WWP2: variants seen among roughly 807,000 people sequenced by gnomAD.
WWP2 encodes the protein WW domain containing E3 ubiquitin protein ligase 2.
Under a neutral mutation model 121.0 loss-of-function variants are expected in WWP2, and 57 were observed. The observed-to-expected ratio is 0.47, with a 90% CI of 0.38 to 0.59. The LOEUF (loss-of-function observed/expected upper bound fraction) is 0.59, where lower values mean the gene tolerates loss of function less well. Ranked by LOEUF, WWP2 falls within the 20% of genes least tolerant of loss-of-function variation. The probability of loss-of-function intolerance (pLI) is 0.00; values close to 1 mark genes in which losing one functional copy is unlikely to be tolerated. For missense variants in WWP2, 962 were observed against 1,158.9 expected, an observed-to-expected ratio of 0.83 and a Z score of 2.47; for synonymous variants, 449 against 441.3, an observed-to-expected ratio of 1.02 and a Z score of -0.22.
At chr16:69,791,611 T>C (rs1382514404) in intron 2 of WWP2, among the ~76,000 whole-genome samples, 1 of 151,632 alleles carries the variant, frequency 6.6e-6, no homozygotes, top group East Asian at 1.9e-4. Flanking sequence ...AGCCTCAAAA[T>C]AGGCTCAAGC....
At chr16:69,840,403 C>T in intron 5 of WWP2, 140 bp downstream of exon 5, 2 of 1,070,920 alleles carry the variant, frequency 1.9e-6, no homozygotes, top group South Asian at 1.6e-5. Flanking sequence ...AGCCCGGACT[C>T]TTCTTAGCTC....
chr16:69,804,908 G>C (rs1176099259), intron 4 of WWP2, among the ~76,000 whole-genome samples: 1 of 152,018 alleles, frequency 6.6e-6, no homozygotes, highest in Non-Finnish European at 1.5e-5. Context: ...ATTTTCAGTG[G>C]GATCTTTTCT....
chr16:69,838,355 C>T (rs761188734), intron 4 of WWP2, among the ~76,000 whole-genome samples: 4 of 151,620 alleles, frequency 2.6e-5, no homozygotes, highest in Non-Finnish European at 5.9e-5. Context: ...CTGACCACAC[C>T]CCCTCTTAAT....
At chr16:69,807,831 C>T (rs568317006) in intron 4 of WWP2, among the ~76,000 whole-genome samples, 8 of 151,662 alleles carry the variant, frequency 5.3e-5, no homozygotes, top group Non-Finnish European at 7.4e-5. Flanking sequence ...TGGTGTTGCA[C>T]ACCTGTAGTC....
At position 69,799,289 on chromosome 16, in the gene WWP2, G is replaced by T. The variant is rs1466934089; in HGVS notation, c.334G>T (p.Gly112Cys). The change falls in exon 4 of 24, where the codon GGC becomes TGC. Residue 112 changes from glycine to cysteine, a missense_variant. Physicochemically the swap from Gly to Cys is radical, Grantham distance 159. Coordinates refer to ENST00000359154, the MANE Select transcript of WWP2 (RefSeq NM_001270454.2). The surrounding 1 kb of genome is among the most constrained non-coding windows in gnomAD (Gnocchi z 4.5). ...CTCCAACGTCTTGAAGAACAATGGG[G>T]GCAAAAGTACGTATGATGAAGGGGG... ...NLSNVLKNNG[G>C]KMENMQLTLN... The T allele has an allele frequency of 1.9e-6, 3 of 1,613,212 alleles. No individual in the cohort carries two copies. In the African/African-American group the frequency reaches 4.0e-5, roughly 22 times the overall value.
Position 69,782,307 on chromosome 16 carries a change from G to T in WWP2, c.-15-4689G>T, listed in dbSNP as rs2055680699. ...CAAACAAACAAACAGACAAACAGAG[G>T]GATGACATTCAAAGCCTGAGACAGA... On this transcript the variant is annotated intron_variant, in intron 1 of 23. Transcript: ENST00000359154. Among the ~76,000 whole-genome samples the T allele has an allele frequency of 2.6e-5, 4 of 152,078 alleles. No individual in the cohort carries two copies. In the South Asian group the frequency reaches 8.3e-4, roughly 32 times the overall value.
chr16:69,797,085 T>C (rs1185095426), intron 2 of WWP2, among the ~76,000 whole-genome samples: 1 of 152,154 alleles, frequency 6.6e-6, no homozygotes, highest in African/African-American at 2.4e-5. Context: ...CGTCTAGATG[T>C]GTTTTACCCT....
At chr16:69,817,685 T>A (rs967220143) in intron 4 of WWP2, among the ~76,000 whole-genome samples, 2 of 130,576 alleles carry the variant, frequency 1.5e-5, no homozygotes, top group Non-Finnish European at 3.3e-5. Context: ...TTTTTTTTTT[T>A]AAAGAGATGG....
At chr16:69,931,251 CGTGGCAGTTGGGGT>C in intron 14 of WWP2, 24 bp downstream of exon 14, 2 of 1,613,440 alleles carry the variant, frequency 1.2e-6, no homozygotes, top group Non-Finnish European at 1.7e-6. Flanking sequence ...CTGGGGCTCC[CGTGGCAGTTGGGGT>C]TATTGAGTTA....
chr16:69,816,707 A>G (rs547652120), intron 4 of WWP2, among the ~76,000 whole-genome samples: 3 of 152,246 alleles, frequency 2.0e-5, no homozygotes, highest in South Asian at 4.1e-4. Context: ...ACACGTATAC[A>G]TGTACACATG....
At chr16:69,824,420 G>A (rs967535511) in intron 4 of WWP2, among the ~76,000 whole-genome samples, 1 of 152,090 alleles carries the variant, frequency 6.6e-6, no homozygotes, top group African/African-American at 2.4e-5. Flanking sequence ...TCTGACTTCA[G>A]TGCCTGGCCT....
Position 69,782,143 on chromosome 16 carries a change from C to T in WWP2, c.-15-4853C>T, listed in dbSNP as rs531356831. 1.6e-4 allele frequency among the ~76,000 whole-genome samples: 24 copies of T among 152,148 alleles called. 1 individual carries two copies. The highest frequency in any genetic ancestry group is 1.3e-3 in the Admixed American group (20 of 15,272). ...ACTAAAAATACAGAAATTAGCTGGG[C>T]GTGTTAGCGGGTGCCTGTAATCCCA... On this transcript the variant is annotated intron_variant, in intron 1 of 23. Coordinates refer to ENST00000359154, the MANE Select transcript of WWP2 (RefSeq NM_001270454.2).
At chr16:69,802,425 C>G (rs2056189142) in intron 4 of WWP2, among the ~76,000 whole-genome samples, 1 of 152,150 alleles carries the variant, frequency 6.6e-6, no homozygotes, top group Non-Finnish European at 1.5e-5. Context: ...TCCCCTCGCA[C>G]CAGCACCTGG....
chr16:69,771,289 C>T (rs2055409516), intron 1 of WWP2, among the ~76,000 whole-genome samples: 1 of 152,188 alleles, frequency 6.6e-6, no homozygotes, highest in South Asian at 2.1e-4. Context: ...TGCTGTGTCT[C>T]CCAGGCTGGA....
intron 8 of WWP2, among the ~76,000 whole-genome samples, chr16:69,897,484 A>C (rs2058123251): frequency 6.6e-6 from 1 of 151,730 alleles, no homozygotes; most frequent in African/African-American, 2.4e-5. Context: ...GCTTCCATGA[A>C]CTCTCTGATC....
chr16:69,792,471 TGAAA>T (rs1414075044), intron 2 of WWP2, among the ~76,000 whole-genome samples: 1 of 152,236 alleles, frequency 6.6e-6, no homozygotes, highest in Non-Finnish European at 1.5e-5. Flanking sequence ...ATATATTTCA[TGAAA>T]GAGACTTTCT....
Position 69,917,880 on chromosome 16 carries a change from C to T in WWP2, c.1176C>T (p.Tyr392=), listed in dbSNP as rs769949633. Residue 392 remains tyrosine, a synonymous_variant, in exon 10 of 24, where the codon TAC becomes TAT. Transcript: ENST00000359154. ...AGCACTTCAGCCAAAGATTCCTCTACCAGGTGAGAGGGCAGGCGCTTGGCC... is the reference window on the plus strand; with the variant it reads ...AGCACTTCAGCCAAAGATTCCTCTATCAGGTGAGAGGGCAGGCGCTTGGCC... ...AMQHFSQRFL[Y]QSSSASTDHD... is the part of the protein sequence containing the mutation. The T allele has an allele frequency of 6.2e-7, 1 of 1,611,220 alleles. No homozygotes were observed. The highest frequency in any genetic ancestry group is 8.5e-7 in the Non-Finnish European group (1 of 1,177,522).
chr16:69,840,035 G>A, intron 4 of WWP2, 91 bp from the exon 5 acceptor site: 1 of 1,555,886 alleles, frequency 6.4e-7, no homozygotes, highest in Admixed American at 1.8e-5. Context: ...AGAGAAGCCA[G>A]CAAAGGTGAA....
chr16:69,872,901 A>G (rs1402435998), intron 7 of WWP2, among the ~76,000 whole-genome samples: 1 of 152,236 alleles, frequency 6.6e-6, no homozygotes, highest in Non-Finnish European at 1.5e-5. Context: ...GACAGAGTCA[A>G]AAAGGAAAAA....
Sources: allele counts gnomAD v4.1 joint callset (sites outside exome capture counted in the v4.1 genomes callset), GRCh38; gene constraint gnomAD v4.1.1; non-coding constraint Gnocchi (gnomAD v3.1); transcripts MANE v1.5; gene names NCBI Gene and HGNC (gene_info 2026-07-23, HGNC 2026-07-21).